Variants in ENOX1 observed in about 807,000 individuals in gnomAD.
ENOX1 encodes candidate growth-related and time keeping constitutive hydroquinone (NADH) oxidase.
A neutral mutation model predicts 82.5 loss-of-function variants in ENOX1; 42 were observed. The ratio of observed to expected loss-of-function variants is 0.51; its 90% confidence interval spans 0.40 to 0.66. The LOEUF (loss-of-function observed/expected upper bound fraction) is 0.66. Ranked by LOEUF, ENOX1 falls within the 30% of genes least tolerant of loss-of-function variation. ENOX1 has a pLI of 0.00. For synonymous variants in ENOX1, 271 were observed against 282.2 expected (o/e 0.96, Z 0.40); for missense variants, 608 against 811.6 (o/e 0.75, Z 3.05).
intron 2 of ENOX1, among the ~76,000 whole-genome samples, chr13:43,509,904 C>T (rs1336955562): frequency 5.9e-5 from 9 of 151,982 alleles, no homozygotes; most frequent in African/African-American, 2.2e-4. Context: ...AATTTTCCAG[C>T]AGCTGGAAGT....
intron 2 of ENOX1, among the ~76,000 whole-genome samples, chr13:43,513,589 A>T (rs1301080275): frequency 1.3e-5 from 2 of 152,170 alleles, no homozygotes; most frequent in African/African-American, 4.8e-5. Context: ...TAACCCAGTG[A>T]ATCATCTGTA....
At chr13:43,439,405 C>T (rs539397570) in intron 3 of ENOX1, among the ~76,000 whole-genome samples, 3 of 152,062 alleles carry the variant, frequency 2.0e-5, no homozygotes, top group South Asian at 4.2e-4. Flanking sequence ...TTTCACCATG[C>T]TCGTCAGGCT....
At chr13:43,317,684 T>G (rs1347857241) in intron 11 of ENOX1, among the ~76,000 whole-genome samples, 1 of 150,316 alleles carries the variant, frequency 6.7e-6, no homozygotes, top group Non-Finnish European at 1.5e-5. Flanking sequence ...TGGAAAGTCC[T>G]TGTTTGAATT....
chr13:43,357,283 A>G (rs2050216390), intron 7 of ENOX1, among the ~76,000 whole-genome samples: 1 of 152,318 alleles, frequency 6.6e-6, no homozygotes, highest in South Asian at 2.1e-4. Context: ...GTAGATTTCA[A>G]TGGATTATTT....
chr13:43,741,812 C>A (rs1029295215), intron 1 of ENOX1, among the ~76,000 whole-genome samples: 2 of 152,136 alleles, frequency 1.3e-5, no homozygotes, highest in Non-Finnish European at 2.9e-5. Context: ...GAAACTGTTG[C>A]CTAATCCAAG....
chr13:43,432,648 A>T (rs1039916598), intron 3 of ENOX1, among the ~76,000 whole-genome samples: 4 of 152,230 alleles, frequency 2.6e-5, no homozygotes, highest in African/African-American at 9.6e-5. Context: ...GTCTCAAAAA[A>T]TGAATAAATA....
At chr13:43,560,074 T>C (rs1321656703) in intron 2 of ENOX1, among the ~76,000 whole-genome samples, 5 of 152,184 alleles carry the variant, frequency 3.3e-5, no homozygotes, top group Non-Finnish European at 7.4e-5. Context: ...TACACACGTG[T>C]GTATTTGCTG....
In ENOX1 at chr13:43,786,898, C is replaced by CG. The variant is rs1952669176; in HGVS notation, c.-532dup. ...GTGTGAGTAGCGGCGCCCGGGAGAG[C>CG]GGGGATCTGCTGAGGGGCGCTGGAG... On this transcript the variant is annotated 5_prime_UTR_variant, in exon 1 of 17. Transcript: ENST00000690772. The surrounding 1 kb of genome is among the most constrained non-coding windows in gnomAD (Gnocchi z 6.0). 6.6e-6 allele frequency: 1 copy of CG among 150,734 alleles called. No homozygotes were observed. Among genetic ancestry groups the CG allele is most frequent in the Admixed American group, 6.6e-5 (1 of 15,172 alleles). 9.3% of individuals were successfully genotyped at this position (150,734 alleles called of 1,614,324 possible).
intron 1 of ENOX1, among the ~76,000 whole-genome samples, chr13:43,780,027 G>C (rs1952169060): frequency 2.0e-5 from 3 of 152,096 alleles, no homozygotes; most frequent in Admixed American, 2.0e-4. Context: ...TGGGCATGGT[G>C]GCGAGCACCT....
Position 43,577,475 on chromosome 13 carries a change from G to T in ENOX1, c.-219+90004C>A, listed in dbSNP as rs910378578. Among the ~76,000 whole-genome samples, 8 of 152,294 alleles carry T rather than the reference G, an allele frequency of 5.3e-5. 2 individuals are homozygous for T. ...ATAGCAGGACCAGTGTCTGGAGAGG[G>T]CTGTCTCCACTTCCAAGATGGCACC... On this transcript the variant is annotated intron_variant, in intron 2 of 16. Coordinates refer to ENST00000690772, the MANE Select transcript of ENOX1 (RefSeq NM_001347969.2).
chr13:43,716,212 G>C (rs147501143), intron 1 of ENOX1, among the ~76,000 whole-genome samples: 6,509 of 152,260 alleles, frequency 0.043, 122 homozygotes, highest in East Asian at 0.064. Context: ...GGTCTTCGAT[G>C]ATGGTGACGT....
At chr13:43,445,413 G>A (rs1181911272) in intron 3 of ENOX1, among the ~76,000 whole-genome samples, 3 of 152,212 alleles carry the variant, frequency 2.0e-5, no homozygotes, top group East Asian at 3.9e-4. Flanking sequence ...GTGAGCCACT[G>A]CCCCCGGCCC....
intron 2 of ENOX1, among the ~76,000 whole-genome samples, chr13:43,513,401 G>A (rs939811731): frequency 2.6e-5 from 4 of 152,060 alleles, no homozygotes; most frequent in African/African-American, 4.8e-5. Context: ...GACCGGAGAG[G>A]TGAGCACAGG....
At chr13:43,514,585 A>C (rs2077490938) in intron 2 of ENOX1, among the ~76,000 whole-genome samples, 2 of 152,038 alleles carry the variant, frequency 1.3e-5, no homozygotes, top group African/African-American at 4.8e-5. Context: ...CTCCCCACCC[A>C]AGTTCTAGAT....
intron 1 of ENOX1, among the ~76,000 whole-genome samples, chr13:43,707,045 C>T (rs1047495576): frequency 1.3e-5 from 2 of 151,954 alleles, no homozygotes; most frequent in African/African-American, 2.4e-5. Flanking sequence ...ATTACTGGAA[C>T]TGAAAAATTC....
chr13:43,516,769 C>G (rs2077576412), intron 2 of ENOX1, among the ~76,000 whole-genome samples: 1 of 152,070 alleles, frequency 6.6e-6, no homozygotes, highest in Non-Finnish European at 1.5e-5. Flanking sequence ...AGAAGAATTT[C>G]TTACATGCCT....
intron 2 of ENOX1, among the ~76,000 whole-genome samples, chr13:43,600,835 ACT>A (rs1428431379): frequency 6.6e-6 from 1 of 152,020 alleles, no homozygotes; most frequent in African/African-American, 2.4e-5. Context: ...TGAGAGAGAG[ACT>A]CTGTTTGTCT....
intron 14 of ENOX1, among the ~76,000 whole-genome samples, chr13:43,241,446 T>C (rs1247536636): frequency 1.3e-5 from 2 of 152,162 alleles, no homozygotes; most frequent in Non-Finnish European, 2.9e-5. Context: ...TATGAATTGT[T>C]AGTGGTATAC....
chr13:43,249,991 A>G (rs962517961), intron 14 of ENOX1, among the ~76,000 whole-genome samples: 5 of 152,236 alleles, frequency 3.3e-5, no homozygotes, highest in African/African-American at 1.2e-4. Context: ...TACAAATAAT[A>G]GTGGTGATAA....
Sources: gnomAD v4.1 joint callset for allele counts (sites outside exome capture counted in the v4.1 genomes callset) on GRCh38, gnomAD v4.1.1 for gene constraint, Gnocchi (gnomAD v3.1) non-coding constraint, MANE v1.5 for transcripts, NCBI Gene and HGNC (gene_info 2026-07-23, HGNC 2026-07-21) for gene names.